CFAP47: variants seen among roughly 807,000 people sequenced by gnomAD.
The protein encoded by CFAP47 is cilia- and flagella-associated protein 47.
Under a neutral mutation model 148.1 loss-of-function variants are expected in CFAP47, and 29 were observed. The observed-to-expected ratio is 0.20, with a 90% CI of 0.15 to 0.27. CFAP47 has a LOEUF of 0.27. CFAP47 is among the 10% of genes least tolerant of loss of function. CFAP47 has a pLI of 1.00. For missense variants in CFAP47, 1,872 were observed against 1,697.5 expected, an observed-to-expected ratio of 1.10 and a Z score of -1.81; for synonymous variants, 664 against 577.3, an observed-to-expected ratio of 1.15 and a Z score of -2.15.
intron 24 of CFAP47, 48 bp from the exon 25 acceptor site, chrX:36,038,936 G>A (rs1389691942): frequency 3.6e-5 from 23 of 633,911 alleles, no homozygotes; most frequent in Non-Finnish European, 4.9e-5. Flanking sequence ...TAAATTTTTT[G>A]TGTGTTTTAA....
intron 48 of CFAP47, among the ~76,000 whole-genome samples, chrX:36,242,706 T>C (rs1359246751): frequency 1.1e-4 from 12 of 112,105 alleles, no homozygotes; most frequent in African/African-American, 3.9e-4. Flanking sequence ...TTGTGACTCA[T>C]TGGCATTCGT....
intron 2 of CFAP47, among the ~76,000 whole-genome samples, chrX:35,935,776 G>A (rs913873155): frequency 2.7e-5 from 3 of 110,397 alleles, no homozygotes; most frequent in Non-Finnish European, 5.7e-5. Flanking sequence ...AACAGAAATC[G>A]AGTTTTCAGT....
At chrX:36,006,030 T>A in intron 21 of CFAP47, among the ~76,000 whole-genome samples, 1 of 111,225 alleles carries the variant, frequency 9.0e-6, no homozygotes, top group Admixed American at 9.6e-5. Context: ...TAAGTCTATA[T>A]TGTGATTTTA....
intron 57 of CFAP47, among the ~76,000 whole-genome samples, chrX:36,325,194 A>T (rs1196656230): frequency 8.9e-6 from 1 of 112,158 alleles, no homozygotes; most frequent in Non-Finnish European, 1.9e-5. Context: ...GTCATTTACC[A>T]TGAACAATAG....
chrX:35,957,207 CA>C (rs371147219), intron 8 of CFAP47, among the ~76,000 whole-genome samples: 3,457 of 33,424 alleles, frequency 0.1, 186 homozygotes, highest in African/African-American at 0.25. Context: ...GACTCCATCT[CA>C]AAAAAAAAAA....
At chrX:36,175,154 G>A (rs1252627742) in intron 39 of CFAP47, among the ~76,000 whole-genome samples, 1 of 110,560 alleles carries the variant, frequency 9.0e-6, no homozygotes, top group African/African-American at 3.3e-5. Context: ...AGCTCCATCA[G>A]CTCCTTTAAG....
intron 49 of CFAP47, among the ~76,000 whole-genome samples, chrX:36,266,832 C>A (rs977334309): frequency 9.0e-6 from 1 of 110,808 alleles, no homozygotes; most frequent in Non-Finnish European, 1.9e-5. Flanking sequence ...TCAGACCCAC[C>A]CCTTTCCTCA....
intron 51 of CFAP47, among the ~76,000 whole-genome samples, chrX:36,286,220 T>A (rs1014325417): frequency 2.7e-5 from 3 of 111,613 alleles, no homozygotes; most frequent in Non-Finnish European, 5.7e-5. Context: ...TTAATAAAGT[T>A]AAATATTAAG....
Position 35,956,133 on chromosome X carries a change from T to G in CFAP47, c.1347T>G (p.Phe449Leu), listed in dbSNP as rs1393151288. 8.3e-7 allele frequency: 1 copy of G among 1,209,783 alleles called. No individual in the cohort carries two copies. The highest frequency in any genetic ancestry group is 1.1e-6 in the Non-Finnish European group (1 of 895,052). ...AATTACTTCCTGTGACGTACCACTT[T>G]AAAAAAACTGCAAATTTTGAAATTG... Reference protein sequence around the residue: ...QCELLPVTYHFKKTANFEIDP... With the variant: ...QCELLPVTYHLKKTANFEIDP... Residue 449 changes from phenylalanine (F) to leucine (L), a missense_variant, in exon 8 of 64, where the codon TTT becomes TTG. By Grantham distance (22) the Phe-to-Leu change is conservative. Coordinates refer to ENST00000378653, the MANE Select transcript of CFAP47 (RefSeq NM_001304548.2).
At chrX:36,118,909 T>C (rs1342641490) in intron 33 of CFAP47, among the ~76,000 whole-genome samples, 1 of 112,635 alleles carries the variant, frequency 8.9e-6, no homozygotes, top group Non-Finnish European at 1.9e-5. Context: ...TACTGATTTG[T>C]ACTTGTTGAT....
At chrX:35,924,162 T>C (rs1405667579) in intron 1 of CFAP47, among the ~76,000 whole-genome samples, 2 of 102,943 alleles carry the variant, frequency 1.9e-5, no homozygotes, top group Non-Finnish European at 3.9e-5. Flanking sequence ...TACATATATG[T>C]ATATATGTAC....
intron 48 of CFAP47, among the ~76,000 whole-genome samples, chrX:36,241,806 ACCT>A (rs1161252998): frequency 4.5e-5 from 5 of 112,059 alleles, no homozygotes; most frequent in Admixed American, 9.4e-5. Flanking sequence ...AGTGTGGCCT[ACCT>A]GCCTGCTGCA....
At chrX:35,924,181 G>A (rs368099044) in intron 1 of CFAP47, among the ~76,000 whole-genome samples, 55 of 102,120 alleles carry the variant, frequency 5.4e-4, no homozygotes, top group African/African-American at 7.8e-4. Flanking sequence ...ACATGTATGC[G>A]TACATGTATG....
At chrX:36,027,811 C>G (rs1413270770) in intron 22 of CFAP47, among the ~76,000 whole-genome samples, 1 of 111,775 alleles carries the variant, frequency 8.9e-6, no homozygotes, top group African/African-American at 3.2e-5. Context: ...CATAGCCTCA[C>G]TAACATCTGT....
chrX:36,143,736 G>C (rs934379317), intron 35 of CFAP47, among the ~76,000 whole-genome samples: 1 of 111,732 alleles, frequency 8.9e-6, no homozygotes. Flanking sequence ...CCATTGCGCT[G>C]TAATTTTGGA....
chrX:36,086,997 A>G (rs192606279), intron 30 of CFAP47, among the ~76,000 whole-genome samples: 1 of 111,761 alleles, frequency 8.9e-6, no homozygotes, highest in African/African-American at 3.3e-5. Flanking sequence ...TCAGCAGCAT[A>G]TGCCCACATG....
intron 25 of CFAP47, among the ~76,000 whole-genome samples, chrX:36,042,639 C>T (rs926684183): frequency 9.1e-6 from 1 of 110,400 alleles, no homozygotes; most frequent in Non-Finnish European, 1.9e-5. Flanking sequence ...AATTATAAAA[C>T]TCAAGTTAAA....
At chrX:35,968,757 T>C (rs1377107399) in intron 10 of CFAP47, among the ~76,000 whole-genome samples, 2 of 110,854 alleles carry the variant, frequency 1.8e-5, no homozygotes, top group African/African-American at 6.6e-5. Context: ...CAAATTAGCC[T>C]TTTTAAAAAT....
chrX:35,969,019 GTATA>G (rs1472423669), intron 10 of CFAP47, among the ~76,000 whole-genome samples: 1 of 109,509 alleles, frequency 9.1e-6, no homozygotes, highest in Non-Finnish European at 1.9e-5. Flanking sequence ...ATCTATATAT[GTATA>G]TAGAGATATA....
Sources: allele counts gnomAD v4.1 joint callset (sites outside exome capture counted in the v4.1 genomes callset), GRCh38; gene constraint gnomAD v4.1.1; transcripts MANE v1.5; gene names NCBI Gene and HGNC (gene_info 2026-07-23, HGNC 2026-07-21).